Variants in ROBO2 observed in about 807,000 individuals in gnomAD.
ROBO2 encodes roundabout guidance receptor 2.
In ROBO2, 53 loss-of-function variants were observed where a neutral mutation model predicts 160.8. The observed-to-expected ratio is 0.33, with a 90% CI of 0.26 to 0.41. The LOEUF is 0.41. Ranked by LOEUF, ROBO2 falls within the 10% of genes least tolerant of loss-of-function variation. The pLI is 1.00. For missense variants in ROBO2, 1,577 were observed against 1,722.4 expected, an observed-to-expected ratio of 0.92 and a Z score of 1.49; for synonymous variants, 664 against 611.7, an observed-to-expected ratio of 1.09 and a Z score of -1.26.
At chr3:76,024,382 TTAAAAAC>T (rs2066667748) in intron 2 of ROBO2, among the ~76,000 whole-genome samples, 1 of 151,054 alleles carries the variant, frequency 6.6e-6, no homozygotes, top group Non-Finnish European at 1.5e-5. Context: ...TTTTTTTTTT[TTAAAAAC>T]CTTGAGTCGA....
intron 4 of ROBO2, among the ~76,000 whole-genome samples, chr3:77,488,980 A>T (rs1345451789): frequency 6.6e-6 from 1 of 152,228 alleles, no homozygotes; most frequent in African/African-American, 2.4e-5. Flanking sequence ...GTGGGTAATT[A>T]TGAAAATTGC....
At chr3:76,506,265 G>A (rs542963348) in intron 2 of ROBO2, among the ~76,000 whole-genome samples, 1 of 152,290 alleles carries the variant, frequency 6.6e-6, no homozygotes, top group African/African-American at 2.4e-5. Flanking sequence ...AGTCTGGGAA[G>A]TCCAAGATCG....
chr3:77,418,713 T>A (rs922149793), intron 2 of ROBO2, among the ~76,000 whole-genome samples: 1 of 152,094 alleles, frequency 6.6e-6, no homozygotes, highest in South Asian at 2.1e-4. Context: ...ACTAGTAATA[T>A]GATGGAGAGA....
intron 2 of ROBO2, among the ~76,000 whole-genome samples, chr3:76,553,714 T>C (rs76876423): frequency 6.6e-6 from 1 of 152,160 alleles, no homozygotes; most frequent in African/African-American, 2.4e-5. Flanking sequence ...AGCTTTCTGT[T>C]TCATGTAAAT....
intron 1 of ROBO2, among the ~76,000 whole-genome samples, chr3:75,910,176 A>C (rs1228563436): frequency 1.3e-5 from 2 of 152,196 alleles, no homozygotes; most frequent in Admixed American, 1.3e-4. Context: ...ACAGGCTGAG[A>C]CAGCTCTGAT....
At chr3:75,946,292 T>C (rs115351041) in intron 2 of ROBO2, among the ~76,000 whole-genome samples, 59 of 151,832 alleles carry the variant, frequency 3.9e-4, no homozygotes, top group Non-Finnish European at 5.6e-4. Flanking sequence ...ATATATACTA[T>C]AACAAAATAG....
chr3:76,531,296 A>G (rs1220981750), intron 2 of ROBO2, among the ~76,000 whole-genome samples: 1 of 152,136 alleles, frequency 6.6e-6, no homozygotes, highest in East Asian at 1.9e-4. Flanking sequence ...ATATTTTAGC[A>G]TGAGCTTCTA....
intron 2 of ROBO2, among the ~76,000 whole-genome samples, chr3:76,267,065 T>C (rs1225006867): frequency 6.6e-6 from 1 of 152,182 alleles, no homozygotes; most frequent in East Asian, 1.9e-4. Flanking sequence ...TGGTTAACAA[T>C]ATTGATTTGT....
chr3:76,948,908 A>ATATAT (rs1209284372), intron 2 of ROBO2, among the ~76,000 whole-genome samples: 5 of 24,970 alleles, frequency 2.0e-4, no homozygotes, highest in Admixed American at 7.0e-4. Context: ...ATATATATAT[A>ATATAT]TTTTTTTTTT....
In ROBO2 at chr3:77,236,459, C is replaced by T. The variant is rs1293472070; in HGVS notation, c.388+138119C>T. On this transcript the variant is annotated intron_variant, in intron 2 of 25. Coordinates refer to ENST00000461745, the Ensembl canonical transcript of ROBO2. ...AATGATGACGCATGTCCAACTCTCG[C>T]TTCCCATCATGGCCTGAGCCAGTTT... Among the ~76,000 whole-genome samples the T allele has an allele frequency of 2.0e-5, 3 of 152,310 alleles. No homozygotes were observed. The East Asian group carries it at 5.8e-4, about 29-fold the overall frequency.
At chr3:76,342,153 G>C (rs1432940334) in intron 2 of ROBO2, among the ~76,000 whole-genome samples, 1 of 152,090 alleles carries the variant, frequency 6.6e-6, no homozygotes, top group Non-Finnish European at 1.5e-5. Context: ...TTCTGCCTGT[G>C]AGATCCTCAC....
intron 2 of ROBO2, among the ~76,000 whole-genome samples, chr3:76,741,163 A>C (rs753305329): frequency 1.3e-5 from 2 of 152,066 alleles, no homozygotes; most frequent in Non-Finnish European, 2.9e-5. Context: ...AAACATCTGA[A>C]ACATACTTAG....
chr3:76,633,147 G>A (rs994074863), intron 2 of ROBO2, among the ~76,000 whole-genome samples: 1 of 152,182 alleles, frequency 6.6e-6, no homozygotes, highest in Non-Finnish European at 1.5e-5. Context: ...ATTTTTAAAT[G>A]TGTCAATACC....
At chr3:76,515,959 G>A (rs1359804925) in intron 2 of ROBO2, among the ~76,000 whole-genome samples, 4 of 152,142 alleles carry the variant, frequency 2.6e-5, no homozygotes, top group Non-Finnish European at 5.9e-5. Flanking sequence ...ACCGAGAGCA[G>A]CAAGGCATTA....
At chr3:76,058,017 A>G (rs2067913820) in intron 2 of ROBO2, among the ~76,000 whole-genome samples, 2 of 152,228 alleles carry the variant, frequency 1.3e-5, no homozygotes, top group Non-Finnish European at 2.9e-5. Context: ...AGTGAGGTAG[A>G]AAAAGAAATC....
At chr3:77,273,189 C>T (rs773634350) in intron 2 of ROBO2, among the ~76,000 whole-genome samples, 2 of 151,924 alleles carry the variant, frequency 1.3e-5, no homozygotes, top group South Asian at 2.1e-4. Context: ...TTACTTTCCA[C>T]GTATAAGAAA....
chr3:76,536,972 G>A (rs111854616), intron 2 of ROBO2, among the ~76,000 whole-genome samples: 24 of 152,204 alleles, frequency 1.6e-4, no homozygotes, highest in South Asian at 1.5e-3. Flanking sequence ...GTTGTGGAAC[G>A]AAACTGTAAG....
intron 2 of ROBO2, among the ~76,000 whole-genome samples, chr3:75,994,866 C>T (rs1336827835): frequency 6.6e-6 from 1 of 152,096 alleles, no homozygotes; most frequent in Non-Finnish European, 1.5e-5. Flanking sequence ...GCAATATGGA[C>T]AATGAAGTCT....
At chr3:76,433,867 C>G (rs1242022766) in intron 2 of ROBO2, among the ~76,000 whole-genome samples, 1 of 152,202 alleles carries the variant, frequency 6.6e-6, no homozygotes, top group Non-Finnish European at 1.5e-5. Flanking sequence ...ATTCACATCT[C>G]TATCTATTTT....
Sources: allele counts gnomAD v4.1 joint callset (sites outside exome capture counted in the v4.1 genomes callset), GRCh38; gene constraint gnomAD v4.1.1; transcripts MANE v1.5; gene names NCBI Gene and HGNC (gene_info 2026-07-23, HGNC 2026-07-21).